Variants in NAV2 observed in about 807,000 individuals in gnomAD.
NAV2 encodes helicase, APC down-regulated 1.
In NAV2, 54 loss-of-function variants were observed where a neutral mutation model predicts 223.2. The observed-to-expected ratio is 0.24, with a 90% CI of 0.19 to 0.30. NAV2 has a LOEUF of 0.30. Ranked by LOEUF, NAV2 falls within the 10% of genes least tolerant of loss-of-function variation. NAV2 has a pLI of 1.00. For missense variants in NAV2, 2,806 were observed against 3,147.5 expected, an observed-to-expected ratio of 0.89 and a Z score of 2.60; for synonymous variants, 1,279 against 1,239.3, an observed-to-expected ratio of 1.03 and a Z score of -0.67.
chr11:19,821,390 G>A (rs2059375029), intron 1 of NAV2, among the ~76,000 whole-genome samples: 1 of 152,026 alleles, frequency 6.6e-6, no homozygotes, highest in South Asian at 2.1e-4. Context: ...ACGTTCACCA[G>A]CCTGGTTTAT....
intron 1 of NAV2, among the ~76,000 whole-genome samples, chr11:19,602,022 G>A (rs1304495733): frequency 6.6e-6 from 1 of 152,126 alleles, no homozygotes; most frequent in Non-Finnish European, 1.5e-5. Context: ...TCCCAGTTTC[G>A]AGTCCCTGTG....
intron 1 of NAV2, among the ~76,000 whole-genome samples, chr11:19,416,449 C>A (rs1276969956): frequency 6.6e-6 from 1 of 152,078 alleles, no homozygotes; most frequent in Non-Finnish European, 1.5e-5. Flanking sequence ...TAAGAGAGGA[C>A]ACAACCAAAT....
chr11:19,824,346 G>T (rs961143592), intron 1 of NAV2, among the ~76,000 whole-genome samples: 6 of 152,174 alleles, frequency 3.9e-5, no homozygotes, highest in African/African-American at 1.4e-4. Context: ...GTTGCAGAAA[G>T]CCCACAAATG....
At chr11:20,100,787 C>T in intron 31 of NAV2, 150 bp from the exon 32 acceptor site, 1 of 633,704 alleles carries the variant, frequency 1.6e-6, no homozygotes. Flanking sequence ...TTGCTCTCAG[C>T]CTCCAGTGTT....
At chr11:19,521,621 C>T (rs1010932569) in intron 1 of NAV2, among the ~76,000 whole-genome samples, 1 of 152,112 alleles carries the variant, frequency 6.6e-6, no homozygotes, top group African/African-American at 2.4e-5. Context: ...ATCTGCCACT[C>T]TGTAATAATA....
chr11:19,713,985 G>C lies in NAV2; in HGVS notation c.267+23G>C, dbSNP rs754590368. The C allele has an allele frequency of 1.2e-6, 2 of 1,611,748 alleles. No homozygotes were observed. Among genetic ancestry groups the C allele is most frequent in the South Asian group, 1.1e-5 (1 of 90,790 alleles). ...CAGGTGAGAGATGCCGTTTGCCGGG[G>C]TACTGTTCTGGAAGGATGGATGAAT... On this transcript the variant is annotated intron_variant, in intron 1 of 37. Coordinates refer to ENST00000349880, the MANE Select transcript of NAV2 (RefSeq NM_145117.5). This position sits in a 1 kb window ranked among gnomAD's most constrained non-coding sequence, Gnocchi z 7.2.
At chr11:19,457,504 T>G (rs1851996291) in intron 1 of NAV2, among the ~76,000 whole-genome samples, 1 of 152,188 alleles carries the variant, frequency 6.6e-6, no homozygotes, top group Non-Finnish European at 1.5e-5. Flanking sequence ...AAAGCCAGAT[T>G]GTGGAGGGCC....
intron 1 of NAV2, among the ~76,000 whole-genome samples, chr11:19,498,131 G>C (rs1230802780): frequency 6.6e-6 from 1 of 152,182 alleles, no homozygotes; most frequent in Non-Finnish European, 1.5e-5. Context: ...AGCACTCTGC[G>C]TGCTGCCCTG....
chr11:20,000,903 C>A (rs1301584670), intron 11 of NAV2, among the ~76,000 whole-genome samples: 1 of 152,136 alleles, frequency 6.6e-6, no homozygotes, highest in Non-Finnish European at 1.5e-5. Context: ...TCCTGCTGTG[C>A]CCGTCCTGTT....
rs149878704 is a variant in NAV2 at position 19,585,401 on chromosome 11, G to T, written c.75+234374G>T. 7.6e-3 allele frequency among the ~76,000 whole-genome samples: 1,152 copies of T among 152,294 alleles called. 6 individuals carry two copies. The highest frequency in any genetic ancestry group is 0.012 in the Non-Finnish European group (832 of 68,024). On this transcript the variant is annotated intron_variant, in intron 1 of 37. Transcript: ENST00000360655. ...TACATTTAAGTTAATATTGTTGTGT[G>T]TGAATTTGATCCTGTCATTATGATA...
intron 1 of NAV2, among the ~76,000 whole-genome samples, chr11:19,485,926 T>C (rs1450411466): frequency 1.3e-5 from 2 of 152,062 alleles, no homozygotes; most frequent in Non-Finnish European, 2.9e-5. Context: ...TTGAACCTGA[T>C]TGCAGGGCAG....
At chr11:19,599,932 C>A (rs557089273) in intron 1 of NAV2, among the ~76,000 whole-genome samples, 3 of 152,338 alleles carry the variant, frequency 2.0e-5, no homozygotes, top group African/African-American at 7.2e-5. Context: ...TCTCTCCAAA[C>A]TGAATTGCAT....
intron 1 of NAV2, among the ~76,000 whole-genome samples, chr11:19,589,159 T>C (rs2045981942): frequency 6.6e-6 from 1 of 152,192 alleles, no homozygotes; most frequent in South Asian, 2.1e-4. Context: ...CTGTATTTCT[T>C]GGATCCTAAG....
At chr11:20,094,824 C>T (rs1051146296) in intron 29 of NAV2, among the ~76,000 whole-genome samples, 1 of 152,136 alleles carries the variant, frequency 6.6e-6, no homozygotes, top group Non-Finnish European at 1.5e-5. Context: ...GCTGATTTTG[C>T]TTAGCCGCCA....
chr11:19,708,186 G>C (rs1410425757), upstream of NAV2, among the ~76,000 whole-genome samples: 1 of 152,144 alleles, frequency 6.6e-6, no homozygotes, highest in African/African-American at 2.4e-5. Flanking sequence ...ACTTTCCAAA[G>C]AGATGTCTTA....
In NAV2 at chr11:19,951,679, T is replaced by G. The variant is rs1289971249; in HGVS notation, c.2645+2599T>G. Among the ~76,000 whole-genome samples the G allele has an allele frequency of 2.0e-5, 3 of 152,210 alleles. No homozygotes were observed. In the East Asian group the frequency reaches 5.8e-4, roughly 29 times the overall value. On this transcript the variant is annotated intron_variant, in intron 10 of 37. Coordinates refer to ENST00000349880, the MANE Select transcript of NAV2 (RefSeq NM_145117.5). ...TGATTATGTCCACAAGGTGGAGACA[T>G]TGAAACACTCTAACCTGAATCTTAG... is the stretch of plus-strand genomic sequence containing the variant.
chr11:19,862,115 A>G (rs2061827158), intron 3 of NAV2, among the ~76,000 whole-genome samples: 1 of 152,246 alleles, frequency 6.6e-6, no homozygotes, highest in East Asian at 1.9e-4. Flanking sequence ...GGAATTTGAG[A>G]ATCTTGCTTT....
At chr11:19,501,192 A>G (rs2042952724) in intron 1 of NAV2, among the ~76,000 whole-genome samples, 2 of 152,176 alleles carry the variant, frequency 1.3e-5, no homozygotes, top group Non-Finnish European at 1.5e-5. Flanking sequence ...ATGGATTCGC[A>G]TGAATAGATT....
intron 1 of NAV2, among the ~76,000 whole-genome samples, chr11:19,527,937 GACACACACACACACAC>G (rs67561376): frequency 9.8e-5 from 14 of 143,324 alleles, no homozygotes; most frequent in African/African-American, 3.8e-4. Flanking sequence ...TCCCTGCCCT[GACACACACACACACAC>G]ACACACACAC....
Sources: allele counts gnomAD v4.1 joint callset (sites outside exome capture counted in the v4.1 genomes callset), GRCh38; gene constraint gnomAD v4.1.1; non-coding constraint Gnocchi (gnomAD v3.1); transcripts MANE v1.5; gene names NCBI Gene and HGNC (gene_info 2026-07-23, HGNC 2026-07-21).